Variants in CPA6 observed in about 807,000 individuals in gnomAD.
The protein encoded by CPA6 is carboxypeptidase A6, also known as carboxypeptidase B.
CPA6 carries 58 observed loss-of-function variants against 63.3 expected under a neutral mutation model. The ratio of observed to expected loss-of-function variants is 0.92; its 90% CI spans 0.74 to 1.14. CPA6 has a LOEUF of 1.14. CPA6 is among the 50% of genes most tolerant of loss of function. The pLI, the probability that CPA6 is intolerant of heterozygous loss-of-function variation, is 0.00. For synonymous variants in CPA6, 185 were observed against 179.0 expected, an observed-to-expected ratio of 1.03 and a Z score of -0.27; for missense variants, 565 against 526.6, an observed-to-expected ratio of 1.07 and a Z score of -0.71.
chr8:67,539,704 CT>C (rs1363651334), intron 2 of CPA6, among the ~76,000 whole-genome samples: 1 of 152,070 alleles, frequency 6.6e-6, no homozygotes, highest in Admixed American at 6.6e-5. Flanking sequence ...CTTTTTCATT[CT>C]TTTTTTCTGT....
chr8:67,585,123 T>C (rs1395358357), intron 2 of CPA6, among the ~76,000 whole-genome samples: 1 of 152,222 alleles, frequency 6.6e-6, no homozygotes, highest in Non-Finnish European at 1.5e-5. Context: ...AGGTAACGAA[T>C]AGTGCTACTG....
At chr8:67,503,449 A>G (rs1811867859) in intron 6 of CPA6, among the ~76,000 whole-genome samples, 1 of 149,990 alleles carries the variant, frequency 6.7e-6, no homozygotes, top group African/African-American at 2.5e-5. Flanking sequence ...GGCATGCACC[A>G]CTATGCCCAG....
intron 1 of CPA6, among the ~76,000 whole-genome samples, chr8:67,636,837 A>G (rs1815479063): frequency 6.6e-6 from 1 of 151,610 alleles, no homozygotes; most frequent in African/African-American, 2.4e-5. Context: ...TCTCTATTAT[A>G]AAGTGCTTGG....
In CPA6 at chr8:67,433,947, G is replaced by A. The variant is rs376986142; in HGVS notation, c.1041+91C>T. The A allele has an allele frequency of 2.9e-5, 24 of 828,866 alleles. No individual in the cohort carries two copies. In the African/African-American group the frequency reaches 3.6e-4, roughly 12 times the overall value. The allele number at this position is 828,866 out of a possible 1,614,324, so 51.3% of individuals were successfully genotyped here. A position where few individuals can be genotyped will look rare whatever the true frequency, so the allele number is the denominator to read the frequency against. On this transcript the variant is annotated intron_variant, in intron 9 of 10. Transcript: ENST00000297770. ...TATTTATTAGGATAAACACAAACAT[G>A]TGTTTGCCATTATCATTAGTACTTA... is the stretch of plus-strand genomic sequence containing the variant.
chr8:67,615,204 T>G (rs1000936721), intron 2 of CPA6, among the ~76,000 whole-genome samples: 1 of 151,922 alleles, frequency 6.6e-6, no homozygotes, highest in African/African-American at 2.4e-5. Flanking sequence ...GCTAGAAAAA[T>G]GAAATGGTTG....
At chr8:67,575,117 A>T (rs1813589889) in intron 2 of CPA6, among the ~76,000 whole-genome samples, 1 of 152,218 alleles carries the variant, frequency 6.6e-6, no homozygotes, top group Non-Finnish European at 1.5e-5. Flanking sequence ...TGAATGGCTA[A>T]CAAATACATG....
At chr8:67,721,961 C>G (rs191422102) in intron 1 of CPA6, among the ~76,000 whole-genome samples, 1 of 152,142 alleles carries the variant, frequency 6.6e-6, no homozygotes, top group African/African-American at 2.4e-5. Flanking sequence ...TCAATGGAAG[C>G]CAATTGTTCA....
chr8:67,631,548 T>C (rs1410375746), intron 1 of CPA6, among the ~76,000 whole-genome samples: 1 of 151,642 alleles, frequency 6.6e-6, no homozygotes, highest in Non-Finnish European at 1.5e-5. Context: ...CAATCAGCTC[T>C]CTGTAAAATG....
intron 1 of CPA6, among the ~76,000 whole-genome samples, chr8:67,640,000 C>CT (rs1349085514): frequency 6.6e-6 from 1 of 151,244 alleles, no homozygotes; most frequent in African/African-American, 2.5e-5. Context: ...AGAGGAGACC[C>CT]TGGGGTGGGT....
chr8:67,656,052 G>A (rs1815976590), intron 1 of CPA6, among the ~76,000 whole-genome samples: 1 of 151,966 alleles, frequency 6.6e-6, no homozygotes, highest in East Asian at 1.9e-4. Flanking sequence ...TAGTCTCTGT[G>A]GAAGCAGGGA....
At chr8:67,684,908 C>A (rs1816679970) in intron 1 of CPA6, among the ~76,000 whole-genome samples, 1 of 152,044 alleles carries the variant, frequency 6.6e-6, no homozygotes, top group Non-Finnish European at 1.5e-5. Context: ...TAGCCAGAAT[C>A]CTCCCTTCCC....
chr8:67,579,238 C>A (rs1423502898), intron 2 of CPA6, among the ~76,000 whole-genome samples: 2 of 152,150 alleles, frequency 1.3e-5, no homozygotes, highest in Admixed American at 1.3e-4. Flanking sequence ...TGGCCAAACC[C>A]CATCTCTACT....
At chr8:67,478,016 G>C (rs747777035) in intron 8 of CPA6, among the ~76,000 whole-genome samples, 9 of 152,130 alleles carry the variant, frequency 5.9e-5, no homozygotes, top group Non-Finnish European at 1.2e-4. Context: ...GGGGTCCCTA[G>C]GGAGCTTCAG....
At chr8:67,454,426 A>C (rs1287512102) in intron 8 of CPA6, among the ~76,000 whole-genome samples, 1 of 152,196 alleles carries the variant, frequency 6.6e-6, no homozygotes, top group East Asian at 1.9e-4. Context: ...AGTACTATGA[A>C]AGATCAAGAG....
chr8:67,469,135 T>G (rs569403051), intron 8 of CPA6, among the ~76,000 whole-genome samples: 1 of 152,344 alleles, frequency 6.6e-6, no homozygotes, highest in African/African-American at 2.4e-5. Flanking sequence ...ATGGTTAATT[T>G]TATGTGTCAA....
chr8:67,496,546 TATATATATA>T (rs1563976173), intron 6 of CPA6, among the ~76,000 whole-genome samples: 1 of 139,922 alleles, frequency 7.1e-6, no homozygotes, highest in African/African-American at 2.7e-5. Context: ...TATATATATA[TATATATATA>T]TATTTATTTT....
chr8:67,505,575 G>A (rs1460670778), intron 6 of CPA6, among the ~76,000 whole-genome samples: 2 of 152,030 alleles, frequency 1.3e-5, no homozygotes, highest in Non-Finnish European at 1.5e-5. Flanking sequence ...GGTATTTGAT[G>A]CAACATAATA....
chr8:67,556,777 G>T (rs974869288), intron 2 of CPA6, among the ~76,000 whole-genome samples: 1 of 152,240 alleles, frequency 6.6e-6, no homozygotes, highest in African/African-American at 2.4e-5. Context: ...AGATCCTCTT[G>T]CTTCCTTTAG....
At chr8:67,614,043 G>A (rs1051011431) in intron 2 of CPA6, among the ~76,000 whole-genome samples, 5 of 152,126 alleles carry the variant, frequency 3.3e-5, no homozygotes, top group Admixed American at 1.3e-4. Context: ...CTTCAAGCCC[G>A]TGTGTGACCC....
Sources: gnomAD v4.1 joint callset for allele counts (sites outside exome capture counted in the v4.1 genomes callset) on GRCh38, gnomAD v4.1.1 for gene constraint, MANE v1.5 for transcripts, NCBI Gene and HGNC (gene_info 2026-07-23, HGNC 2026-07-21) for gene names.